Variants in NDST4 observed in about 807,000 individuals in gnomAD.
NDST4 encodes N-heparan sulfate sulfotransferase 4.
In NDST4, 63 loss-of-function variants were observed where a neutral mutation model predicts 100.8. That is an observed-to-expected ratio of 0.62 (90% CI 0.51 to 0.77). NDST4 has a LOEUF of 0.77. NDST4 is among the 30% of genes least tolerant of loss of function. NDST4 has a pLI of 0.00. For synonymous variants in NDST4, 377 were observed against 361.8 expected (o/e 1.04, Z -0.48); for missense variants, 943 against 1,018.4 (o/e 0.93, Z 1.01).
chr4:114,983,519 A>G (rs1480224353), intron 2 of NDST4, among the ~76,000 whole-genome samples: 4 of 152,024 alleles, frequency 2.6e-5, no homozygotes, highest in African/African-American at 4.8e-5. Flanking sequence ...AAATTCTTCT[A>G]TTTGGAATGG....
intron 7 of NDST4, among the ~76,000 whole-genome samples, chr4:114,868,571 C>G (rs1724082037): frequency 6.6e-6 from 1 of 151,986 alleles, no homozygotes. Flanking sequence ...CTCCCTTTAA[C>G]TTAACTACTC....
At chr4:114,876,312 T>C (rs1368575891) in intron 6 of NDST4, among the ~76,000 whole-genome samples, 2 of 152,220 alleles carry the variant, frequency 1.3e-5, no homozygotes, top group African/African-American at 4.8e-5. Flanking sequence ...TGTTAAATTA[T>C]TGATTATGCT....
intron 6 of NDST4, among the ~76,000 whole-genome samples, chr4:114,900,729 T>C (rs75867043): frequency 0.074 from 11,289 of 152,178 alleles, 470 homozygotes; most frequent in Middle Eastern, 0.095. Flanking sequence ...AAAGATGCAT[T>C]TCTCACAATG....
At chr4:114,859,453 C>G (rs1231228155) in intron 7 of NDST4, among the ~76,000 whole-genome samples, 3 of 152,160 alleles carry the variant, frequency 2.0e-5, no homozygotes, top group African/African-American at 7.2e-5. Flanking sequence ...AAAAATGTGT[C>G]TGGTTGGAGT....
At position 114,940,401 on chromosome 4, in the gene NDST4, G is replaced by A. The variant is rs138613398; in HGVS notation, c.1222-2898C>T. ...AAGCTCTAACAGCAACTGAAATAATGTCATTTAATTTTCCCTTGATAATTC... is the reference window on the plus strand; with the variant it reads ...AAGCTCTAACAGCAACTGAAATAATATCATTTAATTTTCCCTTGATAATTC... On this transcript the variant is annotated intron_variant, in intron 4 of 13. Coordinates refer to ENST00000264363, the MANE Select transcript of NDST4 (RefSeq NM_022569.3). 4.3e-3 allele frequency among the ~76,000 whole-genome samples: 648 copies of A among 152,288 alleles called. 7 individuals carry two copies. The highest frequency in any genetic ancestry group is 0.027 in the Middle Eastern group (8 of 294).
chr4:114,865,497 A>G (rs1724008810), intron 7 of NDST4, among the ~76,000 whole-genome samples: 1 of 152,192 alleles, frequency 6.6e-6, no homozygotes, highest in Non-Finnish European at 1.5e-5. Context: ...AACTCTTATG[A>G]ATCAGTTGTT....
intron 11 of NDST4, among the ~76,000 whole-genome samples, chr4:114,834,642 C>A (rs907352399): frequency 6.6e-6 from 1 of 151,936 alleles, no homozygotes; most frequent in Non-Finnish European, 1.5e-5. Flanking sequence ...TAAGTCTCTG[C>A]CAGGTTTTGA....
At chr4:115,075,294 T>C (rs1351172263) in intron 2 of NDST4, among the ~76,000 whole-genome samples, 3 of 152,200 alleles carry the variant, frequency 2.0e-5, no homozygotes, top group Non-Finnish European at 4.4e-5. Flanking sequence ...TGTTTGAGAT[T>C]ATAGAAAGGT....
intron 6 of NDST4, among the ~76,000 whole-genome samples, chr4:114,877,821 TC>T (rs954221582): frequency 6.6e-6 from 1 of 151,838 alleles, no homozygotes; most frequent in Non-Finnish European, 1.5e-5. Context: ...GGTGACTAGC[TC>T]CTGCCTGTAT....
At position 115,076,584 on chromosome 4, in the gene NDST4, T is replaced by C. The variant is rs1415196284; in HGVS notation, c.453A>G (p.Glu151=). The part of the protein sequence containing the change: ...SMDSWNRELL[E]KYCVEYSVSI... ...TAACACTGTATTCCACACAGTATTT[T>C]TCTAAAAGCTCTCGATTCCATGAGT... Residue 151 remains glutamate (E), a synonymous_variant, in exon 2 of 14, where the codon GAA becomes GAG. Coordinates refer to ENST00000264363, the MANE Select transcript of NDST4 (RefSeq NM_022569.3). 6.2e-7 allele frequency: 1 copy of C among 1,613,874 alleles called. No homozygotes were observed. Among genetic ancestry groups the C allele is most frequent in the African/African-American group, 1.3e-5 (1 of 74,946 alleles).
At chr4:114,906,640 GGTTTTAGGTCTTTCA>G (rs770294924) in intron 6 of NDST4, among the ~76,000 whole-genome samples, 6 of 151,654 alleles carry the variant, frequency 4.0e-5, no homozygotes, top group Non-Finnish European at 8.8e-5. Flanking sequence ...TTACCTCTCT[GGTTTTAGGTCTTTCA>G]GTTTTAAAAA....
intron 7 of NDST4, among the ~76,000 whole-genome samples, chr4:114,864,683 T>A (rs1400556519): frequency 6.6e-6 from 1 of 152,212 alleles, no homozygotes; most frequent in African/African-American, 2.4e-5. Context: ...CTCAACTTCT[T>A]GGGAAAGTGT....
intron 2 of NDST4, among the ~76,000 whole-genome samples, chr4:115,075,580 TTTAA>T (rs1729161222): frequency 1.3e-5 from 2 of 151,034 alleles, no homozygotes; most frequent in African/African-American, 4.9e-5. Context: ...AGGTCAGGAG[TTTAA>T]GACCAGCCTG....
chr4:114,846,639 C>T (rs1376286401), intron 9 of NDST4, among the ~76,000 whole-genome samples: 2 of 152,078 alleles, frequency 1.3e-5, no homozygotes, highest in African/African-American at 2.4e-5. Flanking sequence ...CGTTCCTCTG[C>T]GTGTGGATTA....
chr4:114,977,592 T>G (rs1726667750), intron 2 of NDST4, among the ~76,000 whole-genome samples: 1 of 152,000 alleles, frequency 6.6e-6, no homozygotes, highest in African/African-American at 2.4e-5. Context: ...ATTATTATAC[T>G]TCCTTTATGT....
chr4:114,987,798 C>T (rs931257067), intron 2 of NDST4, among the ~76,000 whole-genome samples: 1 of 152,134 alleles, frequency 6.6e-6, no homozygotes, highest in Non-Finnish European at 1.5e-5. Context: ...GAAACACCCA[C>T]CTCCACTTGC....
At chr4:115,050,405 T>TACAC (rs36055187) in intron 2 of NDST4, among the ~76,000 whole-genome samples, 23,974 of 149,490 alleles carry the variant, frequency 0.16, 2,418 homozygotes, top group East Asian at 0.37. Flanking sequence ...AATGAAGCAT[T>TACAC]ACACACACAC....
chr4:114,891,476 G>A (rs984871160), intron 6 of NDST4, among the ~76,000 whole-genome samples: 20 of 151,922 alleles, frequency 1.3e-4, no homozygotes, highest in African/African-American at 4.4e-4. Flanking sequence ...CAGAATCTTT[G>A]TTTTACTCAT....
chr4:114,935,727 A>T (rs1315131117), intron 5 of NDST4, among the ~76,000 whole-genome samples: 1 of 152,142 alleles, frequency 6.6e-6, no homozygotes, highest in African/African-American at 2.4e-5. Flanking sequence ...TGCATTGTAA[A>T]GGTATGCAGG....
Sources: gnomAD v4.1 joint callset for allele counts (sites outside exome capture counted in the v4.1 genomes callset) on GRCh38, gnomAD v4.1.1 for gene constraint, MANE v1.5 for transcripts, NCBI Gene and HGNC (gene_info 2026-07-23, HGNC 2026-07-21) for gene names.